Variants in FTCD observed in about 807,000 individuals in gnomAD.
The protein encoded by FTCD is formimidoyltransferase-cyclodeaminase.
FTCD carries 76 observed loss-of-function variants against 62.9 expected under a neutral mutation model. The observed-to-expected ratio is 1.21, with a 90% confidence interval of 1.00 to 1.46. The LOEUF (loss-of-function observed/expected upper bound fraction) is 1.46. FTCD is among the 40% of genes most tolerant of loss of function. FTCD has a pLI of 0.00. For synonymous variants in FTCD, 397 were observed against 336.9 expected (o/e 1.18, Z -1.95); for missense variants, 845 against 751.3 (o/e 1.12, Z -1.46).
intron 11 of FTCD, 41 bp from the exon 12 acceptor site, chr21:46,138,687 A>C (rs373803401): frequency 2.5e-6 from 4 of 1,588,712 alleles, no homozygotes; most frequent in Admixed American, 3.4e-5. Flanking sequence ...AGCGGCACAC[A>C]CAGGCAGGCA....
At chr21:46,136,510 A>G (rs751703332), downstream of FTCD, 1 of 1,612,034 alleles carries the variant, frequency 6.2e-7, no homozygotes, top group Non-Finnish European at 8.5e-7. Flanking sequence ...CCATGCACAG[A>G]ACCAGGGCCC....
At chr21:46,146,192 AC>A in intron 8 of FTCD, 73 bp downstream of exon 8, 1 of 1,072,474 alleles carries the variant, frequency 9.3e-7, no homozygotes, top group Non-Finnish European at 1.4e-6. Context: ...CCACGCAGGG[AC>A]CCCAGCGCCC....
intron 5 of FTCD, 33 bp from the exon 6 acceptor site, chr21:46,150,558 A>G (rs577330400): frequency 1.9e-6 from 3 of 1,611,908 alleles, no homozygotes; most frequent in Non-Finnish European, 2.5e-6. Flanking sequence ...AGCCTGGACT[A>G]GGAAGCTCAT....
chr21:46,144,261 G>A (rs1369636678), intron 10 of FTCD, among the ~76,000 whole-genome samples: 1 of 151,116 alleles, frequency 6.6e-6, no homozygotes, highest in African/African-American at 2.4e-5. Context: ...CCCGGGCCCA[G>A]CTGTCTTTTC....
chr21:46,138,182 T>C (rs2078912566), intron 12 of FTCD, among the ~76,000 whole-genome samples: 1 of 152,166 alleles, frequency 6.6e-6, no homozygotes, highest in Middle Eastern at 3.2e-3. Context: ...AGAACCATTG[T>C]GCCTGGGCTG....
In FTCD at chr21:46,137,254, C is replaced by T; in HGVS notation, c.1524G>A (p.Glu508=). The T allele has an allele frequency of 6.2e-7, 1 of 1,613,070 alleles. No individual in the cohort carries two copies. Among genetic ancestry groups the T allele is most frequent in the East Asian group, 2.2e-5 (1 of 44,864 alleles). ...TCCTGCTCACCTGGTCCTTAAATGC[C>T]TCGTCTGTGATGTCCCTCAGGTTGA... is the stretch of plus-strand genomic sequence containing the variant. ...VLINLRDITD[E]AFKDQIHHRV... The change falls in exon 13 of 14, where the codon GAG becomes GAA. Residue 508 remains glutamate (E), a synonymous_variant. Coordinates refer to ENST00000397746, the MANE Select transcript of FTCD (RefSeq NM_206965.2).
At chr21:46,142,700 A>G (rs915236868) in intron 10 of FTCD, 1 of 152,214 alleles carries the variant, frequency 6.6e-6, no homozygotes, top group Non-Finnish European at 1.5e-5. Context: ...AGAACCCGCC[A>G]CGGTTGGCGC....
rs1398652399 is a variant in FTCD, at chr21:46,154,167, C to T, written c.220G>A (p.Asp74Asn). The change falls in exon 2 of 14, where the codon GAC becomes AAC. Residue 74 changes from aspartate to asparagine, a missense_variant. Coordinates refer to ENST00000397746, the MANE Select transcript of FTCD (RefSeq NM_206965.2). ...ACCTCACCTTGGTGCCTGCTCATGT[C>T]GATAAGTCGGGAAGCTACCCGGGCA... ...NAARVASRLI[D>N]MSRHQGEHPR... is the part of the protein sequence containing the mutation. 14 of 1,612,736 alleles carry T rather than the reference C, an allele frequency of 8.7e-6. No homozygotes were observed. Among genetic ancestry groups the T allele is most frequent in the South Asian group, 3.3e-5 (3 of 91,092 alleles).
At chr21:46,138,215 G>A (rs531317126) in intron 12 of FTCD, among the ~76,000 whole-genome samples, 1 of 152,204 alleles carries the variant, frequency 6.6e-6, no homozygotes, top group African/African-American at 2.4e-5. Flanking sequence ...TCTAGAACAA[G>A]ACAGTGGGGG....
chr21:46,152,782 G>C (rs1282808901), intron 3 of FTCD, 125 bp downstream of exon 3: 2 of 821,410 alleles, frequency 2.4e-6, no homozygotes, highest in Non-Finnish European at 3.7e-6. Flanking sequence ...CTGCATGTTG[G>C]CTTTTTGGAA....
At chr21:46,138,789 A>T (rs1358440728) in intron 11 of FTCD, 91 bp downstream of exon 11, 8 of 1,425,240 alleles carry the variant, frequency 5.6e-6, no homozygotes, top group Non-Finnish European at 7.9e-6. Context: ...CAGGCCAACC[A>T]CGCCCCGTCA....
chr21:46,136,477 C>A (rs746468230), downstream of FTCD: 2 of 1,612,650 alleles, frequency 1.2e-6, no homozygotes, highest in Non-Finnish European at 1.7e-6. Context: ...GTCGAAGGTC[C>A]TGCTGTCCCT....
chr21:46,146,609 CT>C (rs2079153844), intron 7 of FTCD: 1 of 555,358 alleles, frequency 1.8e-6, no homozygotes, highest in Non-Finnish European at 3.2e-6. Context: ...GAGTTGCCCC[CT>C]GGGGACCCCT....
At chr21:46,137,435 C>T (rs1393491754) in intron 12 of FTCD, 101 bp from the exon 13 acceptor site, 2 of 908,158 alleles carry the variant, frequency 2.2e-6, no homozygotes, top group Non-Finnish European at 3.6e-6. Flanking sequence ...GGACTTCGTC[C>T]TCCTCCTCAC....
At chr21:46,138,160 G>A (rs1196779964) in intron 12 of FTCD, among the ~76,000 whole-genome samples, 1 of 152,072 alleles carries the variant, frequency 6.6e-6, no homozygotes, top group Admixed American at 6.5e-5. Flanking sequence ...CAAAGTGCTG[G>A]GACCACAGGC....
chr21:46,151,347 G>A (rs1363355119), intron 5 of FTCD, among the ~76,000 whole-genome samples: 1 of 152,252 alleles, frequency 6.6e-6, no homozygotes, highest in Non-Finnish European at 1.5e-5. Flanking sequence ...CAGGAGGCCA[G>A]AGCTCCCCAG....
At chr21:46,147,597 A>T (rs2079176290) in intron 7 of FTCD, among the ~76,000 whole-genome samples, 1 of 152,190 alleles carries the variant, frequency 6.6e-6, no homozygotes, top group African/African-American at 2.4e-5. Flanking sequence ...AGCCACGGGC[A>T]CAGCCAGACC....
At chr21:46,153,297 G>C (rs1016398511) in intron 2 of FTCD, among the ~76,000 whole-genome samples, 2 of 152,210 alleles carry the variant, frequency 1.3e-5, no homozygotes, top group Admixed American at 6.5e-5. Flanking sequence ...TTCAGCCCAG[G>C]AGCAGCAGCA....
chr21:46,149,379 T>C (rs1240302558), intron 7 of FTCD, among the ~76,000 whole-genome samples: 1 of 152,120 alleles, frequency 6.6e-6, no homozygotes, highest in African/African-American at 2.4e-5. Context: ...GGGTCAGCGA[T>C]CTAATAGAAG....
Sources: allele counts gnomAD v4.1 joint callset (sites outside exome capture counted in the v4.1 genomes callset), GRCh38; gene constraint gnomAD v4.1.1; transcripts MANE v1.5; gene names NCBI Gene and HGNC (gene_info 2026-07-23, HGNC 2026-07-21).